OR51B5: variants seen among roughly 807,000 people sequenced by gnomAD.
The protein encoded by OR51B5 is olfactory receptor family 51 subfamily B member 5.
For missense variants in OR51B5, 456 were observed against 374.6 expected (o/e 1.22, Z -1.79); for synonymous variants, 186 against 144.8 (o/e 1.28, Z -2.04).
At chr11:5,483,157 C>T (rs918955191) in intron 1 of OR51B5, among the ~76,000 whole-genome samples, 3 of 150,312 alleles carry the variant, frequency 2.0e-5, no homozygotes, top group Admixed American at 2.0e-4. Context: ...CACATATACA[C>T]CATGGAATAC....
intron 1 of OR51B5, among the ~76,000 whole-genome samples, chr11:5,360,330 G>A (rs1849262218): frequency 6.6e-6 from 1 of 151,998 alleles, no homozygotes; most frequent in East Asian, 1.9e-4. Flanking sequence ...AGTGGGCAAA[G>A]GATATGAACA....
chr11:5,438,761 A>C (rs532040526), intron 1 of OR51B5, among the ~76,000 whole-genome samples: 1 of 152,262 alleles, frequency 6.6e-6, no homozygotes, highest in African/African-American at 2.4e-5. Context: ...ATTTGTGGGG[A>C]AATTTTGAAG....
intron 1 of OR51B5, among the ~76,000 whole-genome samples, chr11:5,461,381 G>A (rs1296845292): frequency 6.6e-6 from 1 of 152,222 alleles, no homozygotes; most frequent in Non-Finnish European, 1.5e-5. Flanking sequence ...AGCAGCCACT[G>A]GCAAGCATTT....
At chr11:5,420,024 G>A in intron 1 of OR51B5, among the ~76,000 whole-genome samples, 1 of 45,998 alleles carries the variant, frequency 2.2e-5, no homozygotes, top group East Asian at 8.5e-4. Flanking sequence ...GAAAACAAAT[G>A]TTGCATATTT....
intron 1 of OR51B5, among the ~76,000 whole-genome samples, chr11:5,362,210 G>A (rs909667608): frequency 2.0e-5 from 3 of 152,208 alleles, no homozygotes; most frequent in Non-Finnish European, 2.9e-5. Context: ...CAGATAGAGA[G>A]TGATAGTGGA....
chr11:5,404,525 T>C (rs1182971300), intron 1 of OR51B5, among the ~76,000 whole-genome samples: 3 of 152,060 alleles, frequency 2.0e-5, no homozygotes, highest in Non-Finnish European at 2.9e-5. Flanking sequence ...CTCTGTAAAA[T>C]GGACCAATCA....
chr11:5,382,144 T>C (rs1219964137), intron 1 of OR51B5, among the ~76,000 whole-genome samples: 1 of 152,234 alleles, frequency 6.6e-6, no homozygotes, highest in Non-Finnish European at 1.5e-5. Context: ...ATTCAGGGTC[T>C]TGCCCCTGCC....
rs1036115152 is a variant in OR51B5 at position 5,505,479 on chromosome 11, C to G, written n.84+90G>C. The G allele has an allele frequency of 5.4e-6, 7 of 1,295,372 alleles. No homozygotes were observed. In the African/African-American group the frequency reaches 9.2e-5, roughly 17 times the overall value. The allele number at this position is 1,295,372 out of a possible 1,614,324, so 80.2% of individuals were successfully genotyped here. On this transcript the variant is annotated intron_variant and non_coding_transcript_variant, in intron 1 of 4. Coordinates refer to the OR51B5 transcript ENST00000415970. Reference sequence around the variant, plus strand: ...TAATGGGGAGTGGAGTGAGGGGAAACTGAAGCTGTATTTGTCCGTTTTCAC... The same window carrying G: ...TAATGGGGAGTGGAGTGAGGGGAAAGTGAAGCTGTATTTGTCCGTTTTCAC...
intron 1 of OR51B5, among the ~76,000 whole-genome samples, chr11:5,410,217 A>C (rs912827593): frequency 6.6e-6 from 1 of 152,164 alleles, no homozygotes; most frequent in Non-Finnish European, 1.5e-5. Context: ...TATGTAGAAG[A>C]AAGCAAACAC....
intron 1 of OR51B5, among the ~76,000 whole-genome samples, chr11:5,484,459 G>A (rs1434500885): frequency 6.6e-6 from 1 of 152,182 alleles, no homozygotes; most frequent in Non-Finnish European, 1.5e-5. Flanking sequence ...GAGAAAAGAA[G>A]ATGGTAGTGA....
intron 1 of OR51B5, among the ~76,000 whole-genome samples, chr11:5,475,890 T>C (rs1851298143): frequency 6.8e-6 from 1 of 146,944 alleles, no homozygotes; most frequent in African/African-American, 2.5e-5. Flanking sequence ...CATACACCTA[T>C]TCAACCTATG....
chr11:5,459,784 A>T (rs1851019221), intron 1 of OR51B5, among the ~76,000 whole-genome samples: 1 of 152,182 alleles, frequency 6.6e-6, no homozygotes, highest in Non-Finnish European at 1.5e-5. Flanking sequence ...TGTTGGTGGG[A>T]GTGTAAATTA....
chr11:5,389,721 C>T (rs776468666), intron 1 of OR51B5: 14 of 1,613,742 alleles, frequency 8.7e-6, no homozygotes, highest in Middle Eastern at 1.6e-4. Context: ...TACTTTGGAG[C>T]GTGTCAAATC....
intron 1 of OR51B5, among the ~76,000 whole-genome samples, chr11:5,416,243 C>T (rs1850242428): frequency 7.3e-6 from 1 of 137,680 alleles, no homozygotes. Flanking sequence ...ATGCTAAAAA[C>T]TCTCAATAAA....
intron 1 of OR51B5, among the ~76,000 whole-genome samples, chr11:5,485,748 C>T (rs1851489131): frequency 6.6e-6 from 1 of 152,150 alleles, no homozygotes; most frequent in Admixed American, 6.5e-5. Flanking sequence ...GCTCTTTTGA[C>T]TCAAGGCTTT....
chr11:5,409,232 C>A lies in OR51B5; in HGVS notation n.85-62322G>T, dbSNP rs140002457. ...CTCTCAGATTCTGGAGAGTGGAGAA[C>A]CTTGGAGAGGTAAACTGACATCTAG... On this transcript the variant is annotated intron_variant and non_coding_transcript_variant, in intron 1 of 4. Transcript: ENST00000415970. 2.5e-3 allele frequency among the ~76,000 whole-genome samples: 383 copies of A among 152,196 alleles called. 2 individuals are homozygous for A. The highest frequency in any genetic ancestry group is 9.0e-3 in the African/African-American group (373 of 41,530).
intron 1 of OR51B5, among the ~76,000 whole-genome samples, chr11:5,463,166 AT>A (rs1554894562): frequency 6.6e-6 from 1 of 152,252 alleles, no homozygotes; most frequent in Non-Finnish European, 1.5e-5. Flanking sequence ...AGAATAAATT[AT>A]CCATTGAATA....
chr11:5,398,530 A>G (rs2133738232), intron 1 of OR51B5, among the ~76,000 whole-genome samples: 1 of 152,320 alleles, frequency 6.6e-6, no homozygotes, highest in African/African-American at 2.4e-5. Flanking sequence ...TGAGGCTCAG[A>G]GGCCAGTTTC....
At position 5,417,166 on chromosome 11, in the gene OR51B5, A is replaced by G. The variant is rs200851274; in HGVS notation, n.85-70256T>C. Among the ~76,000 whole-genome samples, 4 of 152,242 alleles carry G rather than the reference A, an allele frequency of 2.6e-5. No homozygotes were observed. In the South Asian group the frequency reaches 8.3e-4, roughly 32 times the overall value. On this transcript the variant is annotated intron_variant and non_coding_transcript_variant, in intron 1 of 4. Coordinates refer to the OR51B5 transcript ENST00000415970. Reference sequence around the variant, plus strand: ...GATCTTTGACAAACCTGACAAAAACAAGCAATGGGAAAGGATTCCCTATTT... The same window carrying G: ...GATCTTTGACAAACCTGACAAAAACGAGCAATGGGAAAGGATTCCCTATTT...
Sources: gnomAD v4.1 joint callset for allele counts (sites outside exome capture counted in the v4.1 genomes callset) on GRCh38, gnomAD v4.1.1 for gene constraint, MANE v1.5 for transcripts, NCBI Gene and HGNC (gene_info 2026-07-23, HGNC 2026-07-21) for gene names.